The following NTM variants were observed in gnomAD, a reference collection of about 807,000 sequenced individuals.
The protein encoded by NTM is neurotrimin.
NTM carries 13 observed loss-of-function variants against 42.1 expected under a neutral mutation model. That is an observed-to-expected ratio of 0.31 (90% confidence interval 0.20 to 0.49). The LOEUF (loss-of-function observed/expected upper bound fraction) is 0.49. Ranked by LOEUF, NTM falls within the 20% of genes least tolerant of loss-of-function variation. NTM has a pLI of 0.99. For missense variants in NTM, 373 were observed against 452.8 expected, an observed-to-expected ratio of 0.82 and a Z score of 1.60; for synonymous variants, 187 against 179.2, an observed-to-expected ratio of 1.04 and a Z score of -0.35.
chr11:131,594,767 T>C (rs951146340), intron 1 of NTM, among the ~76,000 whole-genome samples: 4 of 151,824 alleles, frequency 2.6e-5, no homozygotes, highest in Admixed American at 1.3e-4. Flanking sequence ...TGCAGGGAGG[T>C]AGAAGGAAGG....
chr11:132,332,106 G>C (rs189180805), intron 8 of NTM: 1 of 152,254 alleles, frequency 6.6e-6, no homozygotes, highest in Non-Finnish European at 1.5e-5. Context: ...AATTCCAGGG[G>C]TCAAGGCCAC....
rs1186534482 is a variant in NTM, at chr11:131,789,466, G to GA, written c.83-122096dup. On this transcript the variant is annotated intron_variant, in intron 1 of 8. Transcript: ENST00000683400. ...AGAAGAAGAAGAAGAAGAAGAAGAAGAAGAAGAAGAAGAAGAAGAAGAAGA... is the reference window on the plus strand; with the variant it reads ...AGAAGAAGAAGAAGAAGAAGAAGAAGAAAGAAGAAGAAGAAGAAGAAGAAGA... 1.6e-3 allele frequency among the ~76,000 whole-genome samples: 22 copies of GA among 13,586 alleles called. 5 individuals carry two copies. Among genetic ancestry groups the GA allele is most frequent in the Non-Finnish European group, 2.8e-3 (19 of 6,824 alleles). The allele number at this position is 13,586 out of a possible 152,430, so 8.9% of individuals were successfully genotyped here.
chr11:131,819,169 G>A (rs2093073944), intron 1 of NTM, among the ~76,000 whole-genome samples: 2 of 152,148 alleles, frequency 1.3e-5, no homozygotes, highest in Admixed American at 6.5e-5. Context: ...GAGTCCAGGT[G>A]AAGAAGACTG....
chr11:131,690,845 A>C (rs1373345058), intron 1 of NTM, among the ~76,000 whole-genome samples: 1 of 152,228 alleles, frequency 6.6e-6, no homozygotes, highest in African/African-American at 2.4e-5. Flanking sequence ...GGGGCTCAGA[A>C]GGAAGCTGTT....
chr11:131,463,540 C>T (rs573851794), intron 1 of NTM, among the ~76,000 whole-genome samples: 6 of 152,292 alleles, frequency 3.9e-5, no homozygotes, highest in Admixed American at 6.5e-5. Context: ...TAGTCAATGA[C>T]AGCTGCTAGT....
intron 4 of NTM, among the ~76,000 whole-genome samples, chr11:132,214,331 T>C (rs1321201712): frequency 6.6e-6 from 1 of 152,114 alleles, no homozygotes; most frequent in Non-Finnish European, 1.5e-5. Flanking sequence ...CTGCAGAACA[T>C]TTATCATCAG....
chr11:132,014,514 A>G (rs989925803), intron 2 of NTM, among the ~76,000 whole-genome samples: 3 of 152,032 alleles, frequency 2.0e-5, no homozygotes, highest in East Asian at 1.9e-4. Context: ...CACCAGCAGT[A>G]TGTAAGAGTT....
chr11:131,933,531 G>A (rs1014945779), intron 2 of NTM, among the ~76,000 whole-genome samples: 3 of 152,064 alleles, frequency 2.0e-5, no homozygotes, highest in Non-Finnish European at 4.4e-5. Context: ...ATTATTTAAG[G>A]TTATGCAGTC....
At chr11:132,059,038 C>T (rs2080181625) in intron 2 of NTM, among the ~76,000 whole-genome samples, 1 of 152,230 alleles carries the variant, frequency 6.6e-6, no homozygotes, top group Non-Finnish European at 1.5e-5. Flanking sequence ...TTAAGATTAT[C>T]CTTTCTAGCT....
intron 2 of NTM, among the ~76,000 whole-genome samples, chr11:131,984,292 C>G (rs190722376): frequency 6.6e-6 from 1 of 152,160 alleles, no homozygotes; most frequent in South Asian, 2.1e-4. Flanking sequence ...GAAAAGATTG[C>G]CACCCCTTAT....
chr11:131,755,305 C>A (rs1441744031), intron 1 of NTM, among the ~76,000 whole-genome samples: 3 of 152,096 alleles, frequency 2.0e-5, no homozygotes, highest in South Asian at 2.1e-4. Flanking sequence ...TCACTCTTGG[C>A]CTAGCAGGAA....
intron 3 of NTM, among the ~76,000 whole-genome samples, chr11:132,173,579 G>A (rs1021187172): frequency 6.6e-6 from 1 of 152,176 alleles, no homozygotes; most frequent in African/African-American, 2.4e-5. Flanking sequence ...TTCTAGGGAG[G>A]CAGTTATTCA....
chr11:131,882,576 C>T (rs2049709330), intron 1 of NTM, among the ~76,000 whole-genome samples: 1 of 152,208 alleles, frequency 6.6e-6, no homozygotes, highest in Non-Finnish European at 1.5e-5. Context: ...GAAGTTACTT[C>T]ATCACACTGG....
chr11:132,142,321 C>G (rs1337734378), intron 2 of NTM, among the ~76,000 whole-genome samples: 1 of 152,136 alleles, frequency 6.6e-6, no homozygotes, highest in East Asian at 1.9e-4. Context: ...CTGACTTAAT[C>G]ACCAGTTAAC....
At chr11:131,634,398 A>T (rs56268791) in intron 1 of NTM, among the ~76,000 whole-genome samples, 1 of 33,632 alleles carries the variant, frequency 3.0e-5, no homozygotes, top group Non-Finnish European at 1.0e-4. Flanking sequence ...AGCCCCCTGG[A>T]AAAAAAAAAA....
intron 3 of NTM, among the ~76,000 whole-genome samples, chr11:132,184,871 T>C (rs1459281275): frequency 6.6e-6 from 1 of 152,198 alleles, no homozygotes; most frequent in African/African-American, 2.4e-5. Context: ...TACGGCTTCA[T>C]GGCGTCAGAG....
intron 1 of NTM, among the ~76,000 whole-genome samples, chr11:131,694,923 C>A (rs546275504): frequency 7.9e-5 from 12 of 152,188 alleles, no homozygotes; most frequent in African/African-American, 2.9e-4. Flanking sequence ...AGCGCCCTCG[C>A]AGCCGGAATG....
chr11:132,241,699 A>G (rs1287885656), intron 4 of NTM, among the ~76,000 whole-genome samples: 1 of 152,248 alleles, frequency 6.6e-6, no homozygotes, highest in East Asian at 1.9e-4. Flanking sequence ...TATCTGTGAT[A>G]TAGATGTAAA....
chr11:132,121,296 A>G (rs2064777713), intron 2 of NTM, among the ~76,000 whole-genome samples: 1 of 152,204 alleles, frequency 6.6e-6, no homozygotes, highest in South Asian at 2.1e-4. Context: ...ATGCAAACTA[A>G]CGTCAAGGTC....
Sources: gnomAD v4.1 joint callset for allele counts (sites outside exome capture counted in the v4.1 genomes callset) on GRCh38, gnomAD v4.1.1 for gene constraint, MANE v1.5 for transcripts, NCBI Gene and HGNC (gene_info 2026-07-23, HGNC 2026-07-21) for gene names.